Variants in NRXN1 observed in about 807,000 individuals in gnomAD.
The protein encoded by NRXN1 is neurexin 1, also known as neurexin-1.
NRXN1 carries 39 observed loss-of-function variants against 150.9 expected under a neutral mutation model. The ratio of observed to expected loss-of-function variants is 0.26; its 90% confidence interval spans 0.20 to 0.34. The LOEUF (loss-of-function observed/expected upper bound fraction) is 0.34, where lower values mean the gene tolerates loss of function less well. Ranked by LOEUF, NRXN1 falls within the 10% of genes least tolerant of loss-of-function variation. The pLI is 1.00. For synonymous variants in NRXN1, 924 were observed against 757.0 expected (o/e 1.22, Z -3.62); for missense variants, 1,815 against 1,949.9 (o/e 0.93, Z 1.30).
rs189650500 is a variant in NRXN1, at chr2:50,503,877, A to G, written c.2497+2618T>C. ...GGACAACATGTTGACCAAGTGGTCA[A>G]ATTAAATCACCAAAGACATGGGCAG... On this transcript the variant is annotated intron_variant, in intron 13 of 22. Coordinates refer to ENST00000401669, the MANE Select transcript of NRXN1 (RefSeq NM_001330078.2). Among the ~76,000 whole-genome samples, 352 of 152,266 alleles carry G rather than the reference A, an allele frequency of 2.3e-3. 2 individuals are homozygous for G. The highest frequency in any genetic ancestry group is 0.01 in the Middle Eastern group (3 of 294).
intron 17 of NRXN1, among the ~76,000 whole-genome samples, chr2:50,243,854 T>TA (rs1175718835): frequency 7.3e-5 from 11 of 151,180 alleles, no homozygotes; most frequent in East Asian, 3.9e-4. Context: ...AGATACCATT[T>TA]AAAAAAAAAT....
intron 17 of NRXN1, among the ~76,000 whole-genome samples, chr2:50,387,018 G>C (rs1011852762): frequency 1.1e-4 from 16 of 152,288 alleles, no homozygotes; most frequent in African/African-American, 3.4e-4. Flanking sequence ...TCTAAAGTTA[G>C]CATTCCTTGC....
rs566049925 is a variant in NRXN1, at chr2:50,025,588, A to T, written c.4128+27683T>A. On this transcript the variant is annotated intron_variant, in intron 21 of 22. Coordinates refer to ENST00000401669, the MANE Select transcript of NRXN1 (RefSeq NM_001330078.2). ...TCAGGACCAGAGCGTATGTAAGAAA[A>T]ATATGACAATGTCAAGTAGCAGAAA... is the stretch of plus-strand genomic sequence containing the variant. 4.6e-5 allele frequency among the ~76,000 whole-genome samples: 7 copies of T among 152,358 alleles called. No individual in the cohort carries two copies. The East Asian group carries it at 1.4e-3, about 29-fold the overall frequency.
At chr2:50,862,259 G>T (rs1171977798) in intron 5 of NRXN1, among the ~76,000 whole-genome samples, 1 of 151,724 alleles carries the variant, frequency 6.6e-6, no homozygotes, top group African/African-American at 2.4e-5. Context: ...CAGAGTCAGG[G>T]AAGCTAAGCT....
chr2:50,819,429 G>C (rs1056999831), intron 5 of NRXN1, among the ~76,000 whole-genome samples: 4 of 152,082 alleles, frequency 2.6e-5, no homozygotes, highest in African/African-American at 9.7e-5. Context: ...CCAGTCACAG[G>C]AGACAAACAT....
chr2:50,585,102 T>C (rs1380440714), intron 8 of NRXN1, among the ~76,000 whole-genome samples: 1 of 152,134 alleles, frequency 6.6e-6, no homozygotes, highest in Non-Finnish European at 1.5e-5. Context: ...ATTTGAAAAA[T>C]AATGTAGTAG....
intron 21 of NRXN1, among the ~76,000 whole-genome samples, chr2:49,964,981 G>C (rs890543235): frequency 6.6e-6 from 1 of 151,746 alleles, no homozygotes; most frequent in Non-Finnish European, 1.5e-5. Flanking sequence ...CTGTCTCCTG[G>C]GCTCAAGTGA....
intron 2 of NRXN1, among the ~76,000 whole-genome samples, chr2:50,953,456 A>G (rs1691740193): frequency 6.6e-6 from 1 of 152,190 alleles, no homozygotes; most frequent in African/African-American, 2.4e-5. Context: ...GGACATATCA[A>G]ACACATCATA....
At chr2:50,356,029 C>G (rs940445851) in intron 17 of NRXN1, among the ~76,000 whole-genome samples, 2 of 151,720 alleles carry the variant, frequency 1.3e-5, no homozygotes, top group African/African-American at 2.4e-5. Context: ...TTTTCCTACT[C>G]ATGTTATAAA....
intron 17 of NRXN1, among the ~76,000 whole-genome samples, chr2:50,255,668 T>A (rs1559182297): frequency 1.3e-5 from 2 of 152,124 alleles, no homozygotes; most frequent in Admixed American, 6.6e-5. Context: ...GAAGCAGGCT[T>A]CCAACTTAAA....
intron 9 of NRXN1, among the ~76,000 whole-genome samples, chr2:50,539,403 T>G (rs543663091): frequency 6.6e-6 from 1 of 152,264 alleles, no homozygotes; most frequent in African/African-American, 2.4e-5. Flanking sequence ...ACTCCAAATG[T>G]TAAGGAGAAA....
chr2:50,658,420 G>GTGTGTGTGTGTGTGTGTA (rs913973273), intron 5 of NRXN1, among the ~76,000 whole-genome samples: 1 of 151,624 alleles, frequency 6.6e-6, no homozygotes, highest in Non-Finnish European at 1.5e-5. Flanking sequence ...TGGTGTGTGT[G>GTGTGTGTGTGTGTGTGTA]TGTGTGTGTG....
At chr2:50,716,659 A>G (rs1695906142) in intron 5 of NRXN1, among the ~76,000 whole-genome samples, 1 of 152,150 alleles carries the variant, frequency 6.6e-6, no homozygotes, top group South Asian at 2.1e-4. Flanking sequence ...ACATATAAAT[A>G]TACATCTCAA....
intron 2 of NRXN1, among the ~76,000 whole-genome samples, chr2:50,939,782 A>G (rs1271658216): frequency 6.6e-6 from 1 of 152,204 alleles, no homozygotes; most frequent in East Asian, 1.9e-4. Context: ...AATTTTAAAT[A>G]CTGTTTTCAG....
At chr2:50,034,293 CATGGAATACTAT>C (rs1295017746) in intron 21 of NRXN1, among the ~76,000 whole-genome samples, 5 of 151,950 alleles carry the variant, frequency 3.3e-5, no homozygotes, top group Admixed American at 6.6e-5. Flanking sequence ...ATATGTACAC[CATGGAATACTAT>C]GCAGCCATAA....
chr2:50,793,504 A>G (rs1355328043), intron 5 of NRXN1, among the ~76,000 whole-genome samples: 1 of 152,120 alleles, frequency 6.6e-6, no homozygotes, highest in Non-Finnish European at 1.5e-5. Flanking sequence ...CTAAAAACTC[A>G]AAACAATTCT....
At chr2:50,097,902 C>G (rs1258478057) in intron 18 of NRXN1, among the ~76,000 whole-genome samples, 3 of 152,050 alleles carry the variant, frequency 2.0e-5, no homozygotes, top group African/African-American at 7.2e-5. Context: ...GCCTCTCAGA[C>G]TGCTGGGATT....
At chr2:49,991,918 C>T (rs1338072451) in intron 21 of NRXN1, among the ~76,000 whole-genome samples, 7 of 152,084 alleles carry the variant, frequency 4.6e-5, no homozygotes, top group Admixed American at 4.6e-4. Flanking sequence ...AAGAGAAGAA[C>T]CCAGAAACAG....
At chr2:50,937,067 T>C (rs1048175507) in intron 2 of NRXN1, among the ~76,000 whole-genome samples, 4 of 152,124 alleles carry the variant, frequency 2.6e-5, no homozygotes, top group Non-Finnish European at 5.9e-5. Flanking sequence ...TAATATACTT[T>C]TTCTAATATT....
Sources: gnomAD v4.1 joint callset for allele counts (sites outside exome capture counted in the v4.1 genomes callset) on GRCh38, gnomAD v4.1.1 for gene constraint, MANE v1.5 for transcripts, NCBI Gene and HGNC (gene_info 2026-07-23, HGNC 2026-07-21) for gene names.